Variants in ANTXR2 observed in about 807,000 individuals in gnomAD.
ANTXR2 encodes ANTXR cell adhesion molecule 2.
ANTXR2 carries 44 observed loss-of-function variants against 73.7 expected under a neutral mutation model. The observed-to-expected ratio is 0.60, with a 90% confidence interval of 0.47 to 0.77. ANTXR2 has a LOEUF of 0.77. ANTXR2 is among the 30% of genes least tolerant of loss of function. The pLI, the probability that ANTXR2 is intolerant of heterozygous loss-of-function variation, is 0.00. For synonymous variants in ANTXR2, 217 were observed against 205.9 expected (o/e 1.05, Z -0.46); for missense variants, 604 against 592.5 (o/e 1.02, Z -0.20).
intron 16 of ANTXR2, among the ~76,000 whole-genome samples, chr4:79,963,397 A>G (rs1041446361): frequency 6.6e-6 from 1 of 152,170 alleles, no homozygotes; most frequent in African/African-American, 2.4e-5. Flanking sequence ...AAAAAATTGG[A>G]GGATTGAGAT....
At chr4:80,003,986 G>A (rs1731182438) in intron 12 of ANTXR2, among the ~76,000 whole-genome samples, 1 of 151,960 alleles carries the variant, frequency 6.6e-6, no homozygotes, top group Admixed American at 6.6e-5. Context: ...ATTCATAATA[G>A]GGAAAACCTA....
At chr4:80,054,935 C>T (rs935870257) in intron 6 of ANTXR2, among the ~76,000 whole-genome samples, 1 of 151,414 alleles carries the variant, frequency 6.6e-6, no homozygotes, top group African/African-American at 2.4e-5. Flanking sequence ...TTTACCAAAC[C>T]AAACAATTGA....
In ANTXR2 at chr4:79,904,464, A is replaced by G. The variant is rs1284889880; in HGVS notation, c.*2965T>C. The G allele has an allele frequency of 6.6e-6, 1 of 152,116 alleles. No individual in the cohort carries two copies. Among genetic ancestry groups the G allele is most frequent in the Non-Finnish European group, 1.5e-5 (1 of 67,992 alleles). The allele number at this position is 152,116 out of a possible 1,614,324, so 9.4% of individuals were successfully genotyped here. A position where few individuals can be genotyped will look rare whatever the true frequency, so the allele number is the denominator to read the frequency against. On this transcript the variant is annotated 3_prime_UTR_variant, in exon 17 of 17. Transcript: ENST00000403729. ...AATATAAATTTTTAAAATAGAATTA[A>G]CTTAGGGAAAGGCATCAGTGCTGCA...
intron 10 of ANTXR2, among the ~76,000 whole-genome samples, chr4:80,030,271 T>A (rs1192342484): frequency 2.6e-5 from 4 of 152,014 alleles, no homozygotes; most frequent in African/African-American, 7.2e-5. Context: ...GAGCTGCCAA[T>A]AACTAAAATG....
intron 16 of ANTXR2, among the ~76,000 whole-genome samples, chr4:79,922,799 G>C (rs1727639023): frequency 6.6e-6 from 1 of 151,850 alleles, no homozygotes. Context: ...CAGATATATA[G>C]AGACAGAGAT....
chr4:79,924,327 T>TA (rs1185776178), intron 16 of ANTXR2, among the ~76,000 whole-genome samples: 2 of 152,018 alleles, frequency 1.3e-5, no homozygotes, highest in Non-Finnish European at 2.9e-5. Context: ...AAACATTCTT[T>TA]AAAATAACGA....
rs934307563 is a variant in ANTXR2, at chr4:79,994,105, C to T, written c.1042-9242G>A. The stretch of plus-strand genomic sequence containing the variant: ...TAAGAATTTTAATTAATAATACATT[C>T]ACAAAATTTATTGATAGTTATAATT... On this transcript the variant is annotated intron_variant, in intron 12 of 16. Transcript: ENST00000403729. 3.3e-5 allele frequency among the ~76,000 whole-genome samples: 5 copies of T among 151,912 alleles called. No homozygotes were observed. The East Asian group carries it at 9.6e-4, about 29-fold the overall frequency.
rs185009747 is a variant in ANTXR2, at chr4:80,002,213, T to G, written c.1041+6308A>C. ...CATGGTACTGGTACCAAAACAGAGG[T>G]ATAGATAAACGGAACAGAACAGAGC... On this transcript the variant is annotated intron_variant, in intron 12 of 16. Transcript: ENST00000403729. Among the ~76,000 whole-genome samples the G allele has an allele frequency of 4.6e-3, 696 of 152,098 alleles. 10 individuals carry two copies. The highest frequency in any genetic ancestry group is 0.016 in the African/African-American group (661 of 41,498).
At chr4:80,071,445 C>T in intron 2 of ANTXR2, 138 bp downstream of exon 2, 1 of 715,682 alleles carries the variant, frequency 1.4e-6, no homozygotes, top group Non-Finnish European at 2.5e-6. Flanking sequence ...CTAATAACAG[C>T]ATGTGTGCAA....
intron 10 of ANTXR2, among the ~76,000 whole-genome samples, chr4:80,025,719 C>A (rs895174475): frequency 6.6e-6 from 1 of 152,130 alleles, no homozygotes; most frequent in Non-Finnish European, 1.5e-5. Context: ...AAAGGTACCA[C>A]TTCTAGTAAT....
At chr4:80,017,692 G>A (rs544124863) in intron 11 of ANTXR2, among the ~76,000 whole-genome samples, 1 of 152,096 alleles carries the variant, frequency 6.6e-6, no homozygotes, top group Non-Finnish European at 1.5e-5. Flanking sequence ...AGAAGGATGA[G>A]GAAGGAATGC....
intron 12 of ANTXR2, among the ~76,000 whole-genome samples, chr4:79,990,602 C>T (rs1730422893): frequency 6.6e-6 from 1 of 151,904 alleles, no homozygotes; most frequent in South Asian, 2.1e-4. Flanking sequence ...AAAATATCAA[C>T]ATCATTTTTC....
intron 3 of ANTXR2, among the ~76,000 whole-genome samples, chr4:80,061,158 A>G (rs1734232918): frequency 6.6e-6 from 1 of 152,138 alleles, no homozygotes; most frequent in Non-Finnish European, 1.5e-5. Context: ...CCATGCCTTA[A>G]TAAATCTTAG....
intron 16 of ANTXR2, among the ~76,000 whole-genome samples, chr4:79,926,446 A>G (rs1727784746): frequency 6.6e-6 from 1 of 152,158 alleles, no homozygotes; most frequent in Non-Finnish European, 1.5e-5. Context: ...GGGTGGGATG[A>G]GGAGGAAGAT....
At chr4:79,974,831 T>C (rs1055716064) in intron 16 of ANTXR2, among the ~76,000 whole-genome samples, 4 of 151,624 alleles carry the variant, frequency 2.6e-5, no homozygotes, top group South Asian at 2.1e-4. Context: ...AAGGGAAGCA[T>C]TATTCTTCAA....
intron 12 of ANTXR2, among the ~76,000 whole-genome samples, chr4:79,992,977 T>C: frequency 6.6e-6 from 1 of 152,060 alleles, no homozygotes; most frequent in Non-Finnish European, 1.5e-5. Context: ...CTCCCCATTT[T>C]CTCAAAGCAT....
chr4:80,048,066 C>T (rs1173921152), intron 7 of ANTXR2, among the ~76,000 whole-genome samples: 2 of 151,398 alleles, frequency 1.3e-5, no homozygotes, highest in Non-Finnish European at 3.0e-5. Flanking sequence ...TTTTTAAGAA[C>T]TTGCATAGAT....
At chr4:80,002,105 A>G (rs1731073675) in intron 12 of ANTXR2, among the ~76,000 whole-genome samples, 2 of 152,174 alleles carry the variant, frequency 1.3e-5, no homozygotes, top group Non-Finnish European at 2.9e-5. Flanking sequence ...TCACCAAGTC[A>G]ATCCTAAGCC....
chr4:79,911,754 T>C (rs1314357168), intron 16 of ANTXR2, among the ~76,000 whole-genome samples: 1 of 151,984 alleles, frequency 6.6e-6, no homozygotes, highest in African/African-American at 2.4e-5. Context: ...GAAAATATTT[T>C]CTTTATTTTC....
Sources: allele counts gnomAD v4.1 joint callset (sites outside exome capture counted in the v4.1 genomes callset), GRCh38; gene constraint gnomAD v4.1.1; transcripts MANE v1.5; gene names NCBI Gene and HGNC (gene_info 2026-07-23, HGNC 2026-07-21).